GGT5: variants seen among roughly 807,000 people sequenced by gnomAD.
The protein encoded by GGT5 is glutathione hydrolase 5 proenzyme.
GGT5 carries 50 observed loss-of-function variants against 58.1 expected under a neutral mutation model. The observed-to-expected ratio is 0.86, with a 90% CI of 0.69 to 1.09. GGT5 has a LOEUF of 1.09. Among genes scored for constraint, GGT5 ranks in the 50% least tolerant of loss-of-function variants. The pLI is 0.00. For synonymous variants in GGT5, 370 were observed against 346.1 expected (o/e 1.07, Z -0.77); for missense variants, 800 against 789.4 (o/e 1.01, Z -0.16).
At chr22:24,241,338 G>A (rs1325736611) in intron 1 of GGT5, 1 of 152,194 alleles carries the variant, frequency 6.6e-6, no homozygotes, top group African/African-American at 2.4e-5. Context: ...TGTAGGGCAA[G>A]CCAGCAGGCT....
intron 4 of GGT5, among the ~76,000 whole-genome samples, chr22:24,232,531 G>C (rs2047975860): frequency 6.6e-6 from 1 of 151,816 alleles, no homozygotes. Context: ...AAGCCCTCCT[G>C]CCATGCCAGA....
chr22:24,221,867 C>A (rs546412536), intron 11 of GGT5, among the ~76,000 whole-genome samples: 2 of 152,084 alleles, frequency 1.3e-5, no homozygotes, highest in Middle Eastern at 3.4e-3. Context: ...TCCCCCAACC[C>A]GCCAAGTTGT....
intron 6 of GGT5, among the ~76,000 whole-genome samples, chr22:24,228,043 T>C (rs28765434): frequency 0.31 from 34,858 of 111,534 alleles, 5,823 homozygotes; most frequent in African/African-American, 0.37. Flanking sequence ...AGCAAGACTC[T>C]GTCTCAAAAA....
At chr22:24,226,373 T>A in intron 7 of GGT5, 107 bp from the exon 8 acceptor site, 1 of 902,066 alleles carries the variant, frequency 1.1e-6, no homozygotes, top group Non-Finnish European at 1.7e-6. Context: ...CAGTCTGTCC[T>A]CTACCTTGTG....
chr22:24,229,912 C>T (rs996389533), intron 6 of GGT5, among the ~76,000 whole-genome samples: 5 of 151,142 alleles, frequency 3.3e-5, no homozygotes, highest in Admixed American at 6.6e-5. Context: ...AACCGAACAC[C>T]ACTTGTTCCC....
At chr22:24,226,527 A>G (rs746807799) in intron 7 of GGT5, 104 bp downstream of exon 7, 21 of 1,265,948 alleles carry the variant, frequency 1.7e-5, no homozygotes, top group Admixed American at 1.5e-4. Context: ...AACCACATAC[A>G]TATCCCTCCA....
intron 1 of GGT5, among the ~76,000 whole-genome samples, chr22:24,238,567 G>T (rs2048167294): frequency 7.0e-6 from 1 of 143,638 alleles, no homozygotes; most frequent in Non-Finnish European, 1.5e-5. Context: ...AGCCAGGCGT[G>T]GTGGCTCATG....
chr22:24,244,249 T>G (rs898480121), intron 1 of GGT5: 72 of 356,660 alleles, frequency 2.0e-4, no homozygotes, highest in African/African-American at 1.5e-3. Flanking sequence ...CTGCAGGTGC[T>G]GAAGCCCACA....
chr22:24,222,881 T>A (rs192679946), intron 11 of GGT5, among the ~76,000 whole-genome samples: 1 of 149,754 alleles, frequency 6.7e-6, no homozygotes, highest in South Asian at 2.1e-4. Context: ...ATCGAGACCA[T>A]CCTGGCTAAC....
At chr22:24,221,731 C>G (rs1040280562) in intron 11 of GGT5, among the ~76,000 whole-genome samples, 8 of 151,920 alleles carry the variant, frequency 5.3e-5, no homozygotes, top group African/African-American at 1.9e-4. Context: ...AGGCTGGTCT[C>G]CTGACCTCAG....
Position 24,232,768 on chromosome 22 carries a change from C to T in GGT5, c.596+55G>A, listed in dbSNP as rs566914592. 78 of 1,269,804 alleles carry T rather than the reference C, an allele frequency of 6.1e-5. 2 individuals carry two copies. The South Asian group carries it at 1.2e-3, about 20-fold the overall frequency. 78.7% of individuals were successfully genotyped at this position (1,269,804 alleles called of 1,614,324 possible). A position where few individuals can be genotyped will look rare whatever the true frequency, so the allele number is the denominator to read the frequency against. On this transcript the variant is annotated intron_variant, in intron 4 of 11. Coordinates refer to ENST00000327365, the MANE Select transcript of GGT5 (RefSeq NM_004121.5). ...GGCAGAGCTGGGGTGTGGACTGGGCCCAGACAGGATATGGCCTTGAACCCA... is the reference window on the plus strand; with the variant it reads ...GGCAGAGCTGGGGTGTGGACTGGGCTCAGACAGGATATGGCCTTGAACCCA...
At chr22:24,220,362 G>C (rs1460228367) in intron 11 of GGT5, 1 of 617,002 alleles carries the variant, frequency 1.6e-6, no homozygotes. Context: ...ACCTCCAAAT[G>C]CAAGTTCATG....
At chr22:24,226,487 G>A (rs945674400) in intron 7 of GGT5, 144 bp downstream of exon 7, 26 of 907,892 alleles carry the variant, frequency 2.9e-5, no homozygotes, top group African/African-American at 1.8e-4. Flanking sequence ...CTGCCACCCC[G>A]GGATCCCTTT....
In GGT5 at chr22:24,240,484, T is replaced by G. The variant is rs1464596003; in HGVS notation, c.173+4069A>C. ...TCATGCATGCACTAACCAAGAAAGCTGTATAACTTTTTTTTTTTTTTTGAG... is the reference window on the plus strand; with the variant it reads ...TCATGCATGCACTAACCAAGAAAGCGGTATAACTTTTTTTTTTTTTTTGAG... On this transcript the variant is annotated intron_variant, in intron 1 of 11. Coordinates refer to ENST00000327365, the MANE Select transcript of GGT5 (RefSeq NM_004121.5). Among the ~76,000 whole-genome samples, 5 of 151,648 alleles carry G rather than the reference T, an allele frequency of 3.3e-5. No homozygotes were observed. In the East Asian group the frequency reaches 9.7e-4, roughly 29 times the overall value.
At chr22:24,231,307 G>A in intron 6 of GGT5, 77 bp downstream of exon 6, 1 of 1,026,454 alleles carries the variant, frequency 9.7e-7, no homozygotes, top group Non-Finnish European at 1.4e-6. Flanking sequence ...GCTGGGCTTG[G>A]GCTTGGAGTC....
chr22:24,222,969 T>A (rs945652496), intron 11 of GGT5, among the ~76,000 whole-genome samples: 1 of 151,646 alleles, frequency 6.6e-6, no homozygotes, highest in Non-Finnish European at 1.5e-5. Context: ...CCCAGCTACT[T>A]GGGAGGATGA....
chr22:24,244,564 C>G lies in GGT5; in HGVS notation c.162G>C (p.Ser54=), dbSNP rs200177467. The change falls in exon 1 of 12, where the codon TCG becomes TCC. Residue 54 remains serine, a synonymous_variant. Transcript: ENST00000327365. ...CACGTCTCACTCACCGTCCAATATCCGAGCAGACCTTGGAGTCGGCGGCAA... is the reference window on the plus strand; with the variant it reads ...CACGTCTCACTCACCGTCCAATATCGGAGCAGACCTTGGAGTCGGCGGCAA... ...AAVAADSKVC[S]DIGRAILQQQ... The G allele has an allele frequency of 6.2e-7, 1 of 1,611,818 alleles. No individual in the cohort carries two copies. Among genetic ancestry groups the G allele is most frequent in the Non-Finnish European group, 8.5e-7 (1 of 1,179,562 alleles).
Position 24,234,126 on chromosome 22 carries a change from G to T in GGT5, c.174-122C>A. On this transcript the variant is annotated intron_variant, in intron 1 of 11. Transcript: ENST00000327365. ...GCGGCACGTCGGCTGCCACCAAACC[G>T]CAGATTAGGTTGCAGAACACAACCA... 3 of 885,080 alleles carry T rather than the reference G, an allele frequency of 3.4e-6. No homozygotes were observed. In the South Asian group the frequency reaches 5.0e-5, roughly 15 times the overall value. 54.8% of individuals were successfully genotyped at this position (885,080 alleles called of 1,614,324 possible).
At chr22:24,242,864 C>G (rs2048363443) in intron 1 of GGT5, 1 of 152,240 alleles carries the variant, frequency 6.6e-6, no homozygotes, top group African/African-American at 2.4e-5. Context: ...CTGGGGCCAG[C>G]CCCAGGCTCT....
Sources: allele counts gnomAD v4.1 joint callset (sites outside exome capture counted in the v4.1 genomes callset), GRCh38; gene constraint gnomAD v4.1.1; transcripts MANE v1.5; gene names NCBI Gene and HGNC (gene_info 2026-07-23, HGNC 2026-07-21).